Variants in EXOC4 observed in about 807,000 individuals in gnomAD.
The protein encoded by EXOC4 is exocyst complex component 4.
EXOC4 carries 71 observed loss-of-function variants against 107.2 expected under a neutral mutation model. The ratio of observed to expected loss-of-function variants is 0.66; its 90% CI spans 0.55 to 0.81. EXOC4 has a LOEUF of 0.81. EXOC4 is among the 30% of genes least tolerant of loss of function. The pLI, the probability that EXOC4 is intolerant of heterozygous loss-of-function variation, is 0.00. For synonymous variants in EXOC4, 456 were observed against 441.2 expected (o/e 1.03, Z -0.42); for missense variants, 1,108 against 1,189.6 (o/e 0.93, Z 1.01).
chr7:133,952,488 T>C (rs1171726913), intron 14 of EXOC4, among the ~76,000 whole-genome samples: 1 of 152,222 alleles, frequency 6.6e-6, no homozygotes, highest in Admixed American at 6.5e-5. Context: ...GAATGGAAAT[T>C]TGTGTTCTTT....
chr7:133,996,045 T>C (rs1290893758), intron 14 of EXOC4, among the ~76,000 whole-genome samples: 2 of 152,120 alleles, frequency 1.3e-5, no homozygotes, highest in African/African-American at 4.8e-5. Context: ...ATATCAGAAA[T>C]TGAATAAAGA....
chr7:133,941,909 G>A (rs10224226), intron 14 of EXOC4, among the ~76,000 whole-genome samples: 41,177 of 150,540 alleles, frequency 0.27, 6,190 homozygotes, highest in Non-Finnish European at 0.34. Flanking sequence ...TTGTAATAAA[G>A]GCACAAATAA....
At chr7:133,484,371 A>G (rs892236957) in intron 9 of EXOC4, among the ~76,000 whole-genome samples, 1 of 152,178 alleles carries the variant, frequency 6.6e-6, no homozygotes, top group Non-Finnish European at 1.5e-5. Flanking sequence ...TGTTAATCAT[A>G]GGCTTCCTGT....
At chr7:133,998,168 C>CAG (rs1231611813) in intron 15 of EXOC4, among the ~76,000 whole-genome samples, 6 of 152,116 alleles carry the variant, frequency 3.9e-5, no homozygotes, top group African/African-American at 1.4e-4. Flanking sequence ...TTAGTTAACC[C>CAG]AGTATATCCA....
chr7:134,071,721 A>G, the EXOC4 span, among the ~76,000 whole-genome samples: 6 of 152,200 alleles, frequency 3.9e-5, no homozygotes, highest in Non-Finnish European at 7.3e-5. Context: ...TCCCATAGTT[A>G]GCTGGGCCTA....
At chr7:133,610,625 T>C (rs1395918342) in intron 9 of EXOC4, among the ~76,000 whole-genome samples, 2 of 152,148 alleles carry the variant, frequency 1.3e-5, no homozygotes, top group Admixed American at 1.3e-4. Flanking sequence ...CTTCCACTTT[T>C]TTTTATATTC....
At chr7:133,764,061 G>A (rs1306694501) in intron 10 of EXOC4, among the ~76,000 whole-genome samples, 1 of 152,034 alleles carries the variant, frequency 6.6e-6, no homozygotes. Flanking sequence ...TGTGAATGGT[G>A]ACAATACTCA....
At chr7:133,375,356 A>G (rs536031104) in intron 7 of EXOC4, among the ~76,000 whole-genome samples, 1 of 152,204 alleles carries the variant, frequency 6.6e-6, no homozygotes, top group African/African-American at 2.4e-5. Context: ...GGCGCCTGTA[A>G]TCTCAGTTAC....
intron 10 of EXOC4, among the ~76,000 whole-genome samples, chr7:133,692,760 A>G (rs1023728382): frequency 6.6e-6 from 1 of 152,218 alleles, no homozygotes; most frequent in Non-Finnish European, 1.5e-5. Flanking sequence ...GTGTATGTTC[A>G]TGTACGTTTT....
rs556907796 is a variant in EXOC4 at position 133,626,764 on chromosome 7, T to C, written c.1418-3281T>C. On this transcript the variant is annotated intron_variant, in intron 9 of 17. Coordinates refer to ENST00000253861, the MANE Select transcript of EXOC4 (RefSeq NM_021807.4). ...ATCTTCCTCTCACTGACATTTCTAG[T>C]GACTCTGACGTTTTATTTTTGGTAT... Among the ~76,000 whole-genome samples the C allele has an allele frequency of 2.6e-5, 4 of 152,310 alleles. No individual in the cohort carries two copies. In the East Asian group the frequency reaches 7.7e-4, roughly 29 times the overall value.
At chr7:134,070,448 G>A (rs1205354673), downstream of EXOC4, among the ~76,000 whole-genome samples, 3 of 152,192 alleles carry the variant, frequency 2.0e-5, no homozygotes, top group African/African-American at 7.2e-5. Context: ...GGACTGGGGT[G>A]TAATGAGATA....
chr7:133,993,783 C>T (rs116285320), intron 14 of EXOC4, among the ~76,000 whole-genome samples: 230 of 152,274 alleles, frequency 1.5e-3, no homozygotes, highest in African/African-American at 5.4e-3. Flanking sequence ...ATCAGAAAAG[C>T]AGGGAAAGTG....
chr7:133,255,558 G>A (rs529743084), intron 1 of EXOC4, among the ~76,000 whole-genome samples: 55 of 152,294 alleles, frequency 3.6e-4, no homozygotes, highest in African/African-American at 1.2e-3. Flanking sequence ...TGGTGTAAGG[G>A]AATGTCTAGA....
chr7:133,911,289 G>A (rs374875182), intron 12 of EXOC4, among the ~76,000 whole-genome samples: 1 of 152,160 alleles, frequency 6.6e-6, no homozygotes, highest in African/African-American at 2.4e-5. Flanking sequence ...CTGGAATTCT[G>A]TAACCCACAT....
At chr7:133,672,024 G>A (rs1358565606) in intron 10 of EXOC4, among the ~76,000 whole-genome samples, 1 of 152,156 alleles carries the variant, frequency 6.6e-6, no homozygotes, top group Non-Finnish European at 1.5e-5. Flanking sequence ...TTTCTACCAT[G>A]ATGGAAATGT....
At chr7:133,505,369 GT>G (rs1415398634) in intron 9 of EXOC4, among the ~76,000 whole-genome samples, 2 of 151,858 alleles carry the variant, frequency 1.3e-5, no homozygotes, top group Non-Finnish European at 1.5e-5. Flanking sequence ...CAAAATTATG[GT>G]TTCATTTTAA....
At chr7:134,023,181 C>T (rs1795064899) in intron 17 of EXOC4, among the ~76,000 whole-genome samples, 1 of 152,130 alleles carries the variant, frequency 6.6e-6, no homozygotes, top group African/African-American at 2.4e-5. Context: ...TAGAATATCC[C>T]ATCCATTACC....
intron 10 of EXOC4, among the ~76,000 whole-genome samples, chr7:133,770,961 A>C (rs1258450174): frequency 1.3e-5 from 2 of 152,010 alleles, no homozygotes; most frequent in Non-Finnish European, 2.9e-5. Context: ...GTTTAGCAGA[A>C]GGGATTGTGG....
intron 14 of EXOC4, among the ~76,000 whole-genome samples, chr7:133,955,357 T>C (rs1317622000): frequency 1.3e-5 from 2 of 152,116 alleles, no homozygotes; most frequent in African/African-American, 4.8e-5. Flanking sequence ...GTAGCTCCTC[T>C]CTGCAGCTGG....
Sources: allele counts gnomAD v4.1 joint callset (sites outside exome capture counted in the v4.1 genomes callset), GRCh38; gene constraint gnomAD v4.1.1; transcripts MANE v1.5; gene names NCBI Gene and HGNC (gene_info 2026-07-23, HGNC 2026-07-21).